The following PRDM16 variants were observed in gnomAD, a reference collection of about 807,000 sequenced individuals.
PRDM16 encodes the protein PR/SET domain 16, also known as histone-lysine N-methyltransferase PRDM16.
A neutral mutation model predicts 110.6 loss-of-function variants in PRDM16; 23 were observed. That is an observed-to-expected ratio of 0.21 (90% CI 0.15 to 0.29). The LOEUF (loss-of-function observed/expected upper bound fraction) is 0.29. Among genes scored for constraint, PRDM16 ranks in the 10% least tolerant of loss-of-function variants. The pLI is 1.00. For synonymous variants in PRDM16, 799 were observed against 781.8 expected, an observed-to-expected ratio of 1.02 and a Z score of -0.37; for missense variants, 1,615 against 1,794.3, an observed-to-expected ratio of 0.90 and a Z score of 1.81.
chr1:3,263,910 G>A (rs926979235), intron 3 of PRDM16, among the ~76,000 whole-genome samples: 9 of 152,152 alleles, frequency 5.9e-5, no homozygotes, highest in East Asian at 3.9e-4. Flanking sequence ...TTCAGTCGAC[G>A]CCTCTTGGAG....
At chr1:3,356,703 G>A (rs1293178954) in intron 3 of PRDM16, among the ~76,000 whole-genome samples, 1 of 152,232 alleles carries the variant, frequency 6.6e-6, no homozygotes, top group African/African-American at 2.4e-5. Flanking sequence ...TTACAGACCA[G>A]CAAGCTGACA....
At chr1:3,368,166 C>A (rs1642848376) in intron 3 of PRDM16, among the ~76,000 whole-genome samples, 1 of 152,208 alleles carries the variant, frequency 6.6e-6, no homozygotes, top group African/African-American at 2.4e-5. Context: ...TGAGAACCTG[C>A]TGGTCCTTCC....
At chr1:3,405,865 C>T (rs1163060564) in intron 8 of PRDM16, among the ~76,000 whole-genome samples, 1 of 152,218 alleles carries the variant, frequency 6.6e-6, no homozygotes, top group Non-Finnish European at 1.5e-5. Context: ...TTCCCCATCC[C>T]GTCCTCCTCC....
At chr1:3,234,333 G>A (rs765719426) in intron 2 of PRDM16, among the ~76,000 whole-genome samples, 15 of 152,170 alleles carry the variant, frequency 9.9e-5, no homozygotes, top group Middle Eastern at 3.4e-3. Flanking sequence ...TCTTGTCCCC[G>A]GGGCCCTGAC....
chr1:3,327,575 G>A (rs1396121938), intron 3 of PRDM16, among the ~76,000 whole-genome samples: 9 of 152,262 alleles, frequency 5.9e-5, no homozygotes, highest in South Asian at 2.1e-4. Context: ...GATGCAGAGC[G>A]TATCAGCCGC....
At chr1:3,136,802 A>G (rs1473505262) in intron 1 of PRDM16, among the ~76,000 whole-genome samples, 1 of 152,158 alleles carries the variant, frequency 6.6e-6, no homozygotes, top group Admixed American at 6.5e-5. Flanking sequence ...GCTGTAATCA[A>G]TATTTCATCC....
chr1:3,305,377 G>T (rs7517817), intron 3 of PRDM16, among the ~76,000 whole-genome samples: 9 of 152,122 alleles, frequency 5.9e-5, no homozygotes, highest in African/African-American at 2.2e-4. Flanking sequence ...AGGGGGCCCA[G>T]GTGCCCAGGC....
intron 2 of PRDM16, among the ~76,000 whole-genome samples, chr1:3,195,583 G>A (rs956908982): frequency 2.7e-5 from 4 of 149,346 alleles, no homozygotes; most frequent in Non-Finnish European, 4.4e-5. Flanking sequence ...CATCCCACAC[G>A]CCCCGCCCCC....
At chr1:3,141,618 C>T (rs1296571926) in intron 1 of PRDM16, among the ~76,000 whole-genome samples, 1 of 152,236 alleles carries the variant, frequency 6.6e-6, no homozygotes, top group Non-Finnish European at 1.5e-5. Context: ...AGTCAGAAAG[C>T]CCAGGGCGGG....
chr1:3,144,487 T>A (rs938401696), intron 1 of PRDM16, among the ~76,000 whole-genome samples: 1 of 148,978 alleles, frequency 6.7e-6, no homozygotes, highest in Non-Finnish European at 1.5e-5. Context: ...TGTCCAGGGC[T>A]GACCCAGCCT....
intron 1 of PRDM16, among the ~76,000 whole-genome samples, chr1:3,096,774 T>C (rs987151925): frequency 5.3e-5 from 8 of 152,148 alleles, no homozygotes; most frequent in African/African-American, 1.9e-4. Context: ...AGGGTGGGTG[T>C]GCTGTGGCCC....
At chr1:3,094,808 G>A (rs912699545) in intron 1 of PRDM16, among the ~76,000 whole-genome samples, 1 of 152,204 alleles carries the variant, frequency 6.6e-6, no homozygotes, top group Non-Finnish European at 1.5e-5. Flanking sequence ...CAGCCAGGGA[G>A]GTGGGGCCTT....
chr1:3,076,342 G>C (rs892140120), intron 1 of PRDM16, among the ~76,000 whole-genome samples: 1 of 152,206 alleles, frequency 6.6e-6, no homozygotes, highest in African/African-American at 2.4e-5. Flanking sequence ...TGGGGACCTG[G>C]GGCTCTCAGA....
chr1:3,205,597 A>G (rs1638736378), intron 2 of PRDM16, among the ~76,000 whole-genome samples: 1 of 152,160 alleles, frequency 6.6e-6, no homozygotes, highest in Non-Finnish European at 1.5e-5. Flanking sequence ...ATATTTGTTG[A>G]ATTCATACAT....
chr1:3,410,685 G>A (rs897498714), intron 8 of PRDM16, among the ~76,000 whole-genome samples: 1 of 152,210 alleles, frequency 6.6e-6, no homozygotes, highest in African/African-American at 2.4e-5. Flanking sequence ...TGAACTTCTA[G>A]AGAGCAGGAG....
chr1:3,194,606 G>A (rs536718953), intron 2 of PRDM16, among the ~76,000 whole-genome samples: 4 of 149,044 alleles, frequency 2.7e-5, no homozygotes, highest in South Asian at 2.1e-4. Flanking sequence ...CCCACCACAC[G>A]CCACCGTCTC....
intron 2 of PRDM16, among the ~76,000 whole-genome samples, chr1:3,194,584 C>T (rs1042246096): frequency 5.6e-5 from 8 of 141,632 alleles, no homozygotes; most frequent in South Asian, 4.5e-4. Flanking sequence ...CCCCACCACA[C>T]GCCACCGTCT....
Position 3,301,653 on chromosome 1 carries a change from CAG to C in PRDM16, c.438+57517_438+57518del, listed in dbSNP as rs536147348. 4.4e-3 allele frequency among the ~76,000 whole-genome samples: 665 copies of C among 152,240 alleles called. 2 individuals carry two copies. The highest frequency in any genetic ancestry group is 8.0e-3 in the Non-Finnish European group (546 of 68,014). On this transcript the variant is annotated intron_variant, in intron 3 of 16. Coordinates refer to ENST00000270722, the MANE Select transcript of PRDM16 (RefSeq NM_022114.4). ...CTCGAAAAACGTCCGGTGGGCAGGACAGGGGATAGAGAAGGTCTGGCCAGAAA... is the reference window on the plus strand; with the variant it reads ...CTCGAAAAACGTCCGGTGGGCAGGACGGGATAGAGAAGGTCTGGCCAGAAA...
intron 2 of PRDM16, among the ~76,000 whole-genome samples, chr1:3,191,516 G>A (rs1365371829): frequency 6.6e-6 from 1 of 152,204 alleles, no homozygotes; most frequent in African/African-American, 2.4e-5. Context: ...AGCAAGTAGA[G>A]CCTGCACTCT....
Sources: gnomAD v4.1 joint callset for allele counts (sites outside exome capture counted in the v4.1 genomes callset) on GRCh38, gnomAD v4.1.1 for gene constraint, MANE v1.5 for transcripts, NCBI Gene and HGNC (gene_info 2026-07-23, HGNC 2026-07-21) for gene names.